The following AOAH variants were observed in gnomAD, a reference collection of about 807,000 sequenced individuals.
The protein encoded by AOAH is acyloxyacyl hydrolase.
In AOAH, 64 loss-of-function variants were observed where a neutral mutation model predicts 92.2. That is an observed-to-expected ratio of 0.69 (90% confidence interval 0.57 to 0.86). AOAH has a LOEUF of 0.86. Among genes scored for constraint, AOAH ranks in the 40% least tolerant of loss-of-function variants. The pLI is 0.00. For synonymous variants in AOAH, 263 were observed against 254.5 expected, an observed-to-expected ratio of 1.03 and a Z score of -0.32; for missense variants, 656 against 694.6, an observed-to-expected ratio of 0.94 and a Z score of 0.62.
At chr7:36,580,177 C>G (rs1788832511) in intron 12 of AOAH, among the ~76,000 whole-genome samples, 1 of 152,204 alleles carries the variant, frequency 6.6e-6, no homozygotes, top group African/African-American at 2.4e-5. Flanking sequence ...AATTATTTCA[C>G]TGATGATTTC....
At chr7:36,645,466 A>G (rs1441313392) in intron 4 of AOAH, among the ~76,000 whole-genome samples, 3 of 152,222 alleles carry the variant, frequency 2.0e-5, no homozygotes, top group Non-Finnish European at 4.4e-5. Flanking sequence ...CAGATCAGAA[A>G]GAGCCAACAG....
At chr7:36,655,651 C>T (rs1794835798) in intron 4 of AOAH, among the ~76,000 whole-genome samples, 1 of 152,150 alleles carries the variant, frequency 6.6e-6, no homozygotes, top group Admixed American at 6.5e-5. Context: ...TAAGTATGCC[C>T]TGGGAAAATC....
intron 4 of AOAH, among the ~76,000 whole-genome samples, chr7:36,653,753 G>A (rs548902025): frequency 6.6e-6 from 1 of 152,206 alleles, no homozygotes; most frequent in Non-Finnish European, 1.5e-5. Context: ...CAAAGTGGCT[G>A]AAGTAAGTCT....
chr7:36,566,255 T>C (rs1787702412), intron 13 of AOAH, among the ~76,000 whole-genome samples: 1 of 152,058 alleles, frequency 6.6e-6, no homozygotes, highest in African/African-American at 2.4e-5. Flanking sequence ...ATAGAGATCA[T>C]GGTGGGGTGG....
At chr7:36,557,518 C>G (rs11973511) in intron 13 of AOAH, among the ~76,000 whole-genome samples, 2 of 149,366 alleles carry the variant, frequency 1.3e-5, no homozygotes, top group African/African-American at 2.4e-5. Flanking sequence ...TTTCCTGAAT[C>G]TGAATGTTGG....
At chr7:36,517,976 C>A (rs1465580398) in intron 20 of AOAH, among the ~76,000 whole-genome samples, 1 of 149,978 alleles carries the variant, frequency 6.7e-6, no homozygotes, top group Non-Finnish European at 1.5e-5. Flanking sequence ...CACACGCACA[C>A]ACACACACTG....
intron 4 of AOAH, among the ~76,000 whole-genome samples, chr7:36,645,654 C>T (rs916305487): frequency 1.3e-5 from 2 of 152,110 alleles, no homozygotes; most frequent in African/African-American, 4.8e-5. Flanking sequence ...TTCCAATACT[C>T]AAGATGTAGC....
chr7:36,713,017 A>G (rs1230239860), intron 1 of AOAH, among the ~76,000 whole-genome samples: 1 of 146,704 alleles, frequency 6.8e-6, no homozygotes, highest in Non-Finnish European at 1.5e-5. Flanking sequence ...AAATGATCCA[A>G]TTAAAAGACA....
At chr7:36,540,816 T>C (rs1785376258) in intron 15 of AOAH, among the ~76,000 whole-genome samples, 3 of 152,216 alleles carry the variant, frequency 2.0e-5, no homozygotes, top group Non-Finnish European at 4.4e-5. Context: ...ATGTTCTAGA[T>C]AGCTGCTTCA....
chr7:36,637,113 C>A (rs193208027), intron 5 of AOAH, among the ~76,000 whole-genome samples: 2 of 152,170 alleles, frequency 1.3e-5, no homozygotes, highest in African/African-American at 4.8e-5. Context: ...AAGTCAAATA[C>A]GTAAGCCTGC....
intron 16 of AOAH, among the ~76,000 whole-genome samples, chr7:36,538,542 C>T (rs1162846713): frequency 2.0e-5 from 3 of 152,182 alleles, no homozygotes; most frequent in Non-Finnish European, 2.9e-5. Context: ...AGTCAAGTCG[C>T]TATTACTGTG....
chr7:36,662,041 G>A (rs1040806768), intron 3 of AOAH, among the ~76,000 whole-genome samples: 7 of 152,116 alleles, frequency 4.6e-5, no homozygotes, highest in African/African-American at 7.2e-5. Flanking sequence ...TCTTGTGACC[G>A]CTACACCTCC....
At chr7:36,663,598 T>G (rs1338386244) in intron 3 of AOAH, among the ~76,000 whole-genome samples, 3 of 152,330 alleles carry the variant, frequency 2.0e-5, no homozygotes, top group Admixed American at 2.0e-4. Flanking sequence ...TTTTTCTCAC[T>G]TAGTAACACG....
intron 1 of AOAH, 59 bp downstream of exon 1, chr7:36,723,963 A>G: frequency 6.5e-7 from 1 of 1,547,924 alleles, no homozygotes; most frequent in African/African-American, 1.4e-5. Context: ...TACGCAAGCA[A>G]AGTACTGGAT....
chr7:36,652,902 AGAG>A (rs1794671620), intron 4 of AOAH, among the ~76,000 whole-genome samples: 1 of 152,226 alleles, frequency 6.6e-6, no homozygotes, highest in Admixed American at 6.5e-5. Context: ...CTGGAACAGA[AGAG>A]GACATTAGAG....
rs953251530 is a variant in AOAH at position 36,540,487 on chromosome 7, T to C, written c.1138A>G (p.Ser380Gly). The change falls in exon 16 of 21, where the codon AGT becomes GGT. Residue 380 changes from serine to glycine, a missense_variant. Ser to Gly is a moderately conservative substitution (Grantham distance 56). Coordinates refer to ENST00000617537, the MANE Select transcript of AOAH (RefSeq NM_001637.4). ...GTGGTCATGGCTGGGACTGGGTCACTCTTCCTGTTGGTGGAATAAACAGAA... is the reference window on the plus strand; with the variant it reads ...GTGGTCATGGCTGGGACTGGGTCACCCTTCCTGTTGGTGGAATAAACAGAA... ...MIGNDVCSGK[S>G]DPVPAMTTPE... is the part of the protein sequence containing the mutation. 5 of 1,604,266 alleles carry C rather than the reference T, an allele frequency of 3.1e-6. No individual in the cohort carries two copies. Among genetic ancestry groups the C allele is most frequent in the Non-Finnish European group, 4.3e-6 (5 of 1,175,646 alleles).
rs1185350333 is a variant in AOAH, at chr7:36,659,045, T to G, written c.390+121A>C. On this transcript the variant is annotated intron_variant, in intron 4 of 20. Transcript: ENST00000617537. ...ATTTCTTGCGGGGTAATTGAAAATG[T>G]CATCTTGCCTCTCCCTGTCCCCAAA... The G allele has an allele frequency of 1.3e-5, 10 of 799,064 alleles. No homozygotes were observed. In the East Asian group the frequency reaches 2.0e-4, roughly 16 times the overall value. 49.5% of individuals were successfully genotyped at this position (799,064 alleles called of 1,614,324 possible). A position where few individuals can be genotyped will look rare whatever the true frequency, so the allele number is the denominator to read the frequency against.
At chr7:36,634,137 G>GA (rs1225511582) in intron 5 of AOAH, among the ~76,000 whole-genome samples, 1 of 152,108 alleles carries the variant, frequency 6.6e-6, no homozygotes, top group Non-Finnish European at 1.5e-5. Context: ...CAGGATTGTG[G>GA]ACACACTGCA....
At chr7:36,641,540 A>G (rs1427768777) in intron 4 of AOAH, among the ~76,000 whole-genome samples, 1 of 152,238 alleles carries the variant, frequency 6.6e-6, no homozygotes, top group Non-Finnish European at 1.5e-5. Context: ...AAGACTAAAT[A>G]GAGACTAAGA....
Sources: gnomAD v4.1 joint callset for allele counts (sites outside exome capture counted in the v4.1 genomes callset) on GRCh38, gnomAD v4.1.1 for gene constraint, MANE v1.5 for transcripts, NCBI Gene and HGNC (gene_info 2026-07-23, HGNC 2026-07-21) for gene names.